Variants in RAD51B observed in about 807,000 individuals in gnomAD.
RAD51B encodes the protein RAD51 paralog B.
A neutral mutation model predicts 42.2 loss-of-function variants in RAD51B; 38 were observed. The ratio of observed to expected loss-of-function variants is 0.90; its 90% CI spans 0.70 to 1.18. The LOEUF (loss-of-function observed/expected upper bound fraction) is 1.18, where lower values mean the gene tolerates loss of function less well. Among genes scored for constraint, RAD51B ranks in the 50% most tolerant of loss-of-function variants. RAD51B has a pLI of 0.00. For missense variants in RAD51B, 373 were observed against 400.7 expected (o/e 0.93, Z 0.59); for synonymous variants, 154 against 145.2 (o/e 1.06, Z -0.43).
intron 8 of RAD51B, among the ~76,000 whole-genome samples, chr14:68,350,184 C>G (rs2082756670): frequency 6.6e-6 from 1 of 152,176 alleles, no homozygotes; most frequent in South Asian, 2.1e-4. Context: ...TTTGTTATGT[C>G]TGAGCTGAAC....
chr14:68,024,901 C>T (rs1039034474), intron 7 of RAD51B, among the ~76,000 whole-genome samples: 5 of 151,840 alleles, frequency 3.3e-5, no homozygotes, highest in South Asian at 2.1e-4. Flanking sequence ...ATAGTAGTGG[C>T]GAGATTAGGC....
At chr14:68,145,379 A>G (rs1038810742) in intron 7 of RAD51B, among the ~76,000 whole-genome samples, 2 of 152,224 alleles carry the variant, frequency 1.3e-5, no homozygotes, top group African/African-American at 4.8e-5. Context: ...GGCGGGGTAC[A>G]TTAGGCAAGG....
At chr14:68,095,113 T>G (rs1436705402) in intron 7 of RAD51B, among the ~76,000 whole-genome samples, 1 of 152,208 alleles carries the variant, frequency 6.6e-6, no homozygotes, top group African/African-American at 2.4e-5. Flanking sequence ...AATTAAGTAA[T>G]TTATCATAAG....
intron 7 of RAD51B, among the ~76,000 whole-genome samples, chr14:68,000,845 A>T (rs1488688542): frequency 6.6e-6 from 1 of 152,164 alleles, no homozygotes; most frequent in South Asian, 2.1e-4. Context: ...GTCTCTGAGA[A>T]CCATTATTTG....
chr14:67,874,991 A>T (rs546820358), intron 5 of RAD51B, among the ~76,000 whole-genome samples: 1 of 152,304 alleles, frequency 6.6e-6, no homozygotes. Context: ...AGGAAAGTAA[A>T]GTTGGGTCTT....
chr14:68,285,772 C>T (rs1405587495), intron 7 of RAD51B, among the ~76,000 whole-genome samples: 3 of 152,134 alleles, frequency 2.0e-5, no homozygotes, highest in African/African-American at 7.2e-5. Flanking sequence ...CAGCCTACCC[C>T]TTCAACTCTG....
At chr14:68,580,860 A>C (rs1355652104) in intron 10 of RAD51B, among the ~76,000 whole-genome samples, 2 of 152,210 alleles carry the variant, frequency 1.3e-5, no homozygotes, top group East Asian at 3.9e-4. Context: ...TTGTATGTGC[A>C]CAGGCCATTT....
chr14:68,434,349 C>T (rs748183628), intron 9 of RAD51B, among the ~76,000 whole-genome samples: 81 of 152,294 alleles, frequency 5.3e-4, no homozygotes, highest in Admixed American at 1.4e-3. Flanking sequence ...GAGGTGGAGT[C>T]TACAGAAGCA....
chr14:68,327,850 A>AT (rs1312745332), intron 8 of RAD51B, among the ~76,000 whole-genome samples: 1 of 152,224 alleles, frequency 6.6e-6, no homozygotes, highest in Non-Finnish European at 1.5e-5. Context: ...AGTAAACACG[A>AT]TCCTGGTACA....
intron 7 of RAD51B, among the ~76,000 whole-genome samples, chr14:68,204,992 A>G (rs1566727625): frequency 6.6e-6 from 1 of 152,168 alleles, no homozygotes; most frequent in Non-Finnish European, 1.5e-5. Flanking sequence ...TGGGAAATAT[A>G]TTTACACTTA....
At chr14:68,668,310 G>A (rs1191654022) in intron 11 of RAD51B, among the ~76,000 whole-genome samples, 2 of 152,230 alleles carry the variant, frequency 1.3e-5, no homozygotes, top group Non-Finnish European at 1.5e-5. Context: ...ACAGCCTCAT[G>A]AGAGTTTTGT....
intron 8 of RAD51B, among the ~76,000 whole-genome samples, chr14:68,354,980 G>T (rs2082870038): frequency 6.6e-6 from 1 of 152,086 alleles, no homozygotes. Context: ...CAGTATTAGG[G>T]TACTATCCGA....
intron 7 of RAD51B, among the ~76,000 whole-genome samples, chr14:68,010,672 A>G (rs72725160): frequency 6.6e-6 from 1 of 151,870 alleles, no homozygotes; most frequent in Admixed American, 6.6e-5. Flanking sequence ...GAAAATGTAT[A>G]CAACTGAGCT....
intron 7 of RAD51B, among the ~76,000 whole-genome samples, chr14:68,050,253 T>C (rs1180301081): frequency 2.0e-5 from 3 of 150,568 alleles, no homozygotes; most frequent in Non-Finnish European, 4.4e-5. Flanking sequence ...CCCTTTCTTC[T>C]GTTTTCTCTT....
intron 7 of RAD51B, among the ~76,000 whole-genome samples, chr14:68,207,754 T>G (rs1255244379): frequency 1.3e-5 from 2 of 152,134 alleles, no homozygotes; most frequent in African/African-American, 4.8e-5. Flanking sequence ...TACTGCAGAA[T>G]AGTCAAGGAA....
chr14:68,138,927 T>C (rs2078065579), intron 7 of RAD51B, among the ~76,000 whole-genome samples: 1 of 152,158 alleles, frequency 6.6e-6, no homozygotes, highest in Admixed American at 6.5e-5. Context: ...CAAAGAGAAA[T>C]TGGGAAAAGT....
chr14:68,125,578 A>T (rs1169888602), intron 7 of RAD51B, among the ~76,000 whole-genome samples: 1 of 152,214 alleles, frequency 6.6e-6, no homozygotes, highest in Non-Finnish European at 1.5e-5. Flanking sequence ...GAGCAGTGGC[A>T]GAGCACTTTG....
chr14:68,554,185 G>A (rs750260830), intron 10 of RAD51B, among the ~76,000 whole-genome samples: 25 of 152,186 alleles, frequency 1.6e-4, no homozygotes, highest in Non-Finnish European at 3.2e-4. Flanking sequence ...GGACAGATTT[G>A]TGATAATTAA....
At chr14:68,032,048 G>T (rs973122402) in intron 7 of RAD51B, among the ~76,000 whole-genome samples, 16 of 141,694 alleles carry the variant, frequency 1.1e-4, no homozygotes, top group African/African-American at 4.5e-4. Context: ...TGTCTGATTT[G>T]ACTCAAATTT....
Sources: allele counts gnomAD v4.1 joint callset (sites outside exome capture counted in the v4.1 genomes callset), GRCh38; gene constraint gnomAD v4.1.1; transcripts MANE v1.5; gene names NCBI Gene and HGNC (gene_info 2026-07-23, HGNC 2026-07-21).